The following ADAMTS12 variants were observed in gnomAD, a reference collection of about 807,000 sequenced individuals.
The protein encoded by ADAMTS12 is ADAM metallopeptidase with thrombospondin type 1 motif 12, also known as A disintegrin and metalloproteinase with thrombospondin motifs 12.
A neutral mutation model predicts 167.8 loss-of-function variants in ADAMTS12; 118 were observed. The ratio of observed to expected loss-of-function variants is 0.70; its 90% CI spans 0.61 to 0.82. ADAMTS12 has a LOEUF of 0.82. ADAMTS12 is among the 40% of genes least tolerant of loss of function. ADAMTS12 has a pLI of 0.00. For missense variants in ADAMTS12, 1,916 were observed against 1,998.8 expected, an observed-to-expected ratio of 0.96 and a Z score of 0.79; for synonymous variants, 704 against 716.9, an observed-to-expected ratio of 0.98 and a Z score of 0.29.
chr5:33,729,036 G>A (rs557291614), intron 3 of ADAMTS12, among the ~76,000 whole-genome samples: 13 of 152,256 alleles, frequency 8.5e-5, no homozygotes, highest in East Asian at 1.9e-4. Flanking sequence ...TAGGAAAACC[G>A]ATGAGCATCA....
intron 23 of ADAMTS12, among the ~76,000 whole-genome samples, chr5:33,533,316 CTATT>C (rs1374320959): frequency 6.6e-6 from 1 of 152,132 alleles, no homozygotes; most frequent in Non-Finnish European, 1.5e-5. Flanking sequence ...ATAGCCTCAA[CTATT>C]TAAAGTATGG....
chr5:33,559,773 C>A (rs145326128), intron 20 of ADAMTS12, among the ~76,000 whole-genome samples: 1 of 151,928 alleles, frequency 6.6e-6, no homozygotes, highest in Admixed American at 6.6e-5. Context: ...CCCAGCTACC[C>A]GGAGGTTAAG....
chr5:33,728,688 G>A (rs1293618891), intron 3 of ADAMTS12, among the ~76,000 whole-genome samples: 1 of 152,202 alleles, frequency 6.6e-6, no homozygotes, highest in Non-Finnish European at 1.5e-5. Context: ...ACCCCAGCCT[G>A]AAGAAGGCCA....
rs987378755 is a variant in ADAMTS12, at chr5:33,559,699, G to A, written c.4125+1328C>T. Among the ~76,000 whole-genome samples the A allele has an allele frequency of 2.0e-5, 3 of 152,226 alleles. No individual in the cohort carries two copies. The South Asian group carries it at 6.2e-4, about 32-fold the overall frequency. On this transcript the variant is annotated intron_variant, in intron 20 of 23. Coordinates refer to ENST00000504830, the MANE Select transcript of ADAMTS12 (RefSeq NM_030955.4). ...AGTTCGAGACCAGCCTGGCCAACAT[G>A]GTGAAACCCCATCTCTACTAAAAAT...
chr5:33,806,632 T>C (rs1237720852), intron 2 of ADAMTS12, among the ~76,000 whole-genome samples: 1 of 152,184 alleles, frequency 6.6e-6, no homozygotes, highest in Non-Finnish European at 1.5e-5. Flanking sequence ...CTGAGCTTCT[T>C]GATATGCAAA....
intron 18 of ADAMTS12, among the ~76,000 whole-genome samples, chr5:33,579,370 A>T (rs1388096307): frequency 6.6e-6 from 1 of 152,232 alleles, no homozygotes; most frequent in Non-Finnish European, 1.5e-5. Flanking sequence ...TTCTCAGGCA[A>T]CAGGTGGCTC....
intron 3 of ADAMTS12, among the ~76,000 whole-genome samples, chr5:33,694,410 T>A (rs1742676604): frequency 6.6e-6 from 1 of 152,240 alleles, no homozygotes; most frequent in African/African-American, 2.4e-5. Context: ...TTTTCATTGA[T>A]TTCTTGGTTG....
chr5:33,887,314 G>A (rs4866399), intron 1 of ADAMTS12, among the ~76,000 whole-genome samples: 37,315 of 151,876 alleles, frequency 0.25, 5,430 homozygotes, highest in Middle Eastern at 0.4. Flanking sequence ...TTCCATCTCC[G>A]TAAAGTGACA....
chr5:33,552,218 C>T (rs1281177314), intron 20 of ADAMTS12, among the ~76,000 whole-genome samples: 9 of 152,190 alleles, frequency 5.9e-5, no homozygotes, highest in Non-Finnish European at 1.5e-5. Flanking sequence ...AATCCTAGTA[C>T]ACTTCCCAGG....
rs1176021054 is a variant in ADAMTS12, at chr5:33,523,588, G to A, written c.*3600C>T. On this transcript the variant is annotated 3_prime_UTR_variant, in exon 24 of 24. Coordinates refer to ENST00000504830, the MANE Select transcript of ADAMTS12 (RefSeq NM_030955.4). Reference sequence around the variant, plus strand: ...AGAGGGAGGTTATGATTACAGTCTGGTTTTAAGTACTGAAATATCCACCAA... The same window carrying A: ...AGAGGGAGGTTATGATTACAGTCTGATTTTAAGTACTGAAATATCCACCAA... The A allele has an allele frequency of 6.6e-6, 1 of 152,156 alleles. No individual in the cohort carries two copies. Among genetic ancestry groups the A allele is most frequent in the Non-Finnish European group, 1.5e-5 (1 of 68,044 alleles). 9.4% of individuals were successfully genotyped at this position (152,156 alleles called of 1,614,324 possible).
At chr5:33,745,097 C>T (rs1744733176) in intron 3 of ADAMTS12, among the ~76,000 whole-genome samples, 1 of 152,206 alleles carries the variant, frequency 6.6e-6, no homozygotes, top group South Asian at 2.1e-4. Flanking sequence ...GCATTGCAGG[C>T]ATGAACTGCT....
chr5:33,740,243 T>C (rs1744515902), intron 3 of ADAMTS12, among the ~76,000 whole-genome samples: 1 of 152,148 alleles, frequency 6.6e-6, no homozygotes, highest in Non-Finnish European at 1.5e-5. Flanking sequence ...AAAAGAATAA[T>C]AAATAATCAT....
intron 5 of ADAMTS12, among the ~76,000 whole-genome samples, chr5:33,677,945 C>G (rs1741979323): frequency 6.6e-6 from 1 of 152,102 alleles, no homozygotes; most frequent in African/African-American, 2.4e-5. Flanking sequence ...ATGGTGGTAA[C>G]TGACAAACAT....
At chr5:33,824,832 T>C (rs1220427077) in intron 2 of ADAMTS12, among the ~76,000 whole-genome samples, 1 of 152,190 alleles carries the variant, frequency 6.6e-6, no homozygotes, top group Non-Finnish European at 1.5e-5. Context: ...TACTTCCCAA[T>C]CTGGCCCCTA....
intron 3 of ADAMTS12, among the ~76,000 whole-genome samples, chr5:33,733,313 A>G (rs1744258373): frequency 6.6e-6 from 1 of 152,208 alleles, no homozygotes; most frequent in South Asian, 2.1e-4. Context: ...CAGTTGTAGG[A>G]AAAAAGTCCT....
intron 3 of ADAMTS12, among the ~76,000 whole-genome samples, chr5:33,750,050 G>A (rs1429491285): frequency 2.0e-5 from 3 of 152,288 alleles, no homozygotes; most frequent in East Asian, 3.9e-4. Context: ...CCATCACCCA[G>A]AGTGTAATAG....
chr5:33,530,290 C>T (rs1359624175), intron 23 of ADAMTS12, among the ~76,000 whole-genome samples: 1 of 152,144 alleles, frequency 6.6e-6, no homozygotes, highest in Non-Finnish European at 1.5e-5. Context: ...ATGTTTTGAC[C>T]AAGCATGTCT....
intron 2 of ADAMTS12, among the ~76,000 whole-genome samples, chr5:33,788,086 T>TC (rs1746394971): frequency 6.6e-6 from 1 of 152,182 alleles, no homozygotes; most frequent in African/African-American, 2.4e-5. Context: ...CCTGCCTTGG[T>TC]CACCTGTGAA....
At chr5:33,721,868 C>A (rs1418250226) in intron 3 of ADAMTS12, among the ~76,000 whole-genome samples, 1 of 152,198 alleles carries the variant, frequency 6.6e-6, no homozygotes, top group African/African-American at 2.4e-5. Context: ...GGCCTTCTTT[C>A]AATAGTCCTC....
Sources: gnomAD v4.1 joint callset for allele counts (sites outside exome capture counted in the v4.1 genomes callset) on GRCh38, gnomAD v4.1.1 for gene constraint, MANE v1.5 for transcripts, NCBI Gene and HGNC (gene_info 2026-07-23, HGNC 2026-07-21) for gene names.